The following VIM variants were observed in gnomAD, a reference collection of about 807,000 sequenced individuals.
The protein encoded by VIM is epididymis secretory sperm binding protein.
VIM carries 18 observed loss-of-function variants against 50.3 expected under a neutral mutation model. The ratio of observed to expected loss-of-function variants is 0.36; its 90% CI spans 0.25 to 0.53. The LOEUF (loss-of-function observed/expected upper bound fraction) is 0.53. Among genes scored for constraint, VIM ranks in the 20% least tolerant of loss-of-function variants. VIM has a pLI of 0.91. For missense variants in VIM, 551 were observed against 614.7 expected, an observed-to-expected ratio of 0.90 and a Z score of 1.10; for synonymous variants, 245 against 248.5, an observed-to-expected ratio of 0.99 and a Z score of 0.13.
At chr10:17,237,110 CT>C (rs1419656179) in intron 9 of VIM, 119 bp from the exon 10 acceptor site, 1 of 956,958 alleles carries the variant, frequency 1.0e-6, no homozygotes, top group Admixed American at 2.3e-5. Context: ...GCAACATAAC[CT>C]TCTGATTTGC....
chr10:17,237,149 T>C, intron 9 of VIM, 81 bp from the exon 10 acceptor site: 3 of 1,273,180 alleles, frequency 2.4e-6, no homozygotes, highest in Non-Finnish European at 3.3e-6. Context: ...TTTAGCAGGA[T>C]TTTTATTTGC....
rs1846812270 is a variant in VIM at position 17,232,302 on chromosome 10, G to A, written c.625-1285G>A. 2.6e-5 allele frequency among the ~76,000 whole-genome samples: 4 copies of A among 152,178 alleles called. No homozygotes were observed. The South Asian group carries it at 6.2e-4, about 24-fold the overall frequency. On this transcript the variant is annotated intron_variant, in intron 3 of 9. Transcript: ENST00000544301. ...AAGTCTCAACAGTTTAAGACCGTAA[G>A]GCTATGAACTCCAAATATAATTGCT...
At chr10:17,236,658 C>T (rs543535899) in intron 9 of VIM, among the ~76,000 whole-genome samples, 39 of 152,174 alleles carry the variant, frequency 2.6e-4, no homozygotes, top group Admixed American at 5.2e-4. Context: ...TTCCTTAAAC[C>T]ACTTCCTAAA....
At chr10:17,230,093 G>C (rs947610475) in intron 2 of VIM, 108 bp downstream of exon 2, 79 of 1,332,758 alleles carry the variant, frequency 5.9e-5, no homozygotes, top group East Asian at 3.5e-4. Context: ...GGATGTGGCC[G>C]GGGGGAGGCC....
chr10:17,235,757 C>T (rs1002887303), intron 7 of VIM, 89 bp from the exon 8 acceptor site: 99 of 1,271,166 alleles, frequency 7.8e-5, no homozygotes, highest in African/African-American at 2.5e-4. Context: ...CGTTTTCTTA[C>T]GTGACGAAAA....
At chr10:17,230,065 G>T in intron 2 of VIM, 80 bp downstream of exon 2, 2 of 1,482,458 alleles carry the variant, frequency 1.3e-6, no homozygotes, top group Non-Finnish European at 9.0e-7. Context: ...GCCCCCGCGA[G>T]AGCTGCCACG....
Position 17,235,158 on chromosome 10 carries a change from AC to A in VIM, c.1009-6del, listed in dbSNP as rs1348122930. On this transcript the variant is annotated splice_polypyrimidine_tract_variant and intron_variant, in intron 6 of 9. Coordinates refer to ENST00000544301, the MANE Select transcript of VIM (RefSeq NM_003380.5). The stretch of plus-strand genomic sequence containing the variant: ...AGAAATAACACCAGACATCTTTCTC[AC>A]CCCCTGCAGAATGAGTCCCTGGAAC... The A allele has an allele frequency of 2.5e-6, 4 of 1,613,832 alleles. No individual in the cohort carries two copies. The highest frequency in any genetic ancestry group is 1.7e-5 in the Admixed American group (1 of 59,990).
At position 17,233,826 on chromosome 10, in the gene VIM, T is replaced by G. The variant is rs764331554; in HGVS notation, c.777T>G (p.Asp259Glu). ...AACAGCATGTCCAAATCGATGTGGA[T>G]GTTTCCAAGCCTGACCTCACGGCTG... ...IQEQHVQIDV[D>E]VSKPDLTAAL... Residue 259 changes from aspartate to glutamate, a missense_variant, in exon 5 of 10, where the codon GAT (aspartate) becomes GAG (glutamate). Transcript: ENST00000544301. 6.2e-7 allele frequency: 1 copy of G among 1,614,082 alleles called. No homozygotes were observed. Among genetic ancestry groups the G allele is most frequent in the African/African-American group, 1.3e-5 (1 of 74,930 alleles).
chr10:17,234,072 A>G, intron 5 of VIM, 141 bp downstream of exon 5: 1 of 988,900 alleles, frequency 1.0e-6, no homozygotes. Flanking sequence ...GTTTGCCACC[A>G]CAGCCTCCCC....
chr10:17,229,543 G>T lies in VIM; in HGVS notation c.121G>T (p.Gly41Cys). 6.2e-7 allele frequency: 1 copy of T among 1,608,200 alleles called. No individual in the cohort carries two copies. Residue 41 changes from glycine (G) to cysteine (C), a missense_variant, in exon 2 of 10, where the codon GGC (glycine) becomes TGC (cysteine). By Grantham distance (159) the Gly-to-Cys change is radical. Around this residue, in one of 3 missense-constraint regions of VIM, gnomAD observed 134 missense variants for 126.4 expected, o/e 1.06. Transcript: ENST00000544301. ...VTTSTRTYSL[G>C]SALRPSTSRS... The stretch of plus-strand genomic sequence containing the variant: ...TACGTCCACCCGCACCTACAGCCTG[G>T]GCAGCGCGCTGCGCCCCAGCACCAG...
In VIM at chr10:17,234,722, G is replaced by A. The variant is rs965528949; in HGVS notation, c.912G>A (p.Arg304=). 1 of 1,614,042 alleles carries A rather than the reference G, an allele frequency of 6.2e-7. No individual in the cohort carries two copies. The highest frequency in any genetic ancestry group is 1.1e-5 in the South Asian group (1 of 91,074). The part of the protein sequence containing the change: ...KFADLSEAAN[R]NNDALRQAKQ... ...CTGACCTCTCTGAGGCTGCCAACCG[G>A]AACAATGACGCCCTGCGCCAGGCAA... Residue 304 remains arginine (R), a synonymous_variant, in exon 6 of 10, where the codon CGG becomes CGA. Transcript: ENST00000544301.
intron 7 of VIM, chr10:17,235,633 G>C: frequency 2.9e-6 from 2 of 695,680 alleles, no homozygotes; most frequent in Non-Finnish European, 4.9e-6. Flanking sequence ...CCTAACTCCT[G>C]TTCATGCTCC....
chr10:17,233,318 G>T (rs912949109), intron 3 of VIM: 29 of 442,938 alleles, frequency 6.5e-5, no homozygotes, highest in African/African-American at 5.8e-4. Context: ...TTTACCATGT[G>T]TGTGGACATT....
At chr10:17,230,018 C>A in intron 2 of VIM, 33 bp downstream of exon 2, 1 of 1,582,028 alleles carries the variant, frequency 6.3e-7, no homozygotes, top group Middle Eastern at 1.7e-4. Context: ...AGCTGGGCCT[C>A]GGGAGGGGGC....
intron 8 of VIM, 138 bp from the exon 9 acceptor site, chr10:17,236,156 C>A: frequency 1.2e-6 from 1 of 824,528 alleles, no homozygotes; most frequent in Non-Finnish European, 2.1e-6. Context: ...ACAGAGACTA[C>A]CCTAAAATTA....
Position 17,229,899 on chromosome 10 carries a change from G to A in VIM, c.477G>A (p.Arg159=), listed in dbSNP as rs1390810752. 2 of 1,612,302 alleles carry A rather than the reference G, an allele frequency of 1.2e-6. No homozygotes were observed. The highest frequency in any genetic ancestry group is 1.7e-6 in the Non-Finnish European group (2 of 1,179,542). The change falls in exon 2 of 10, where the codon CGG becomes CGA. Residue 159 remains arginine, a synonymous_variant. Coordinates refer to ENST00000544301, the MANE Select transcript of VIM (RefSeq NM_003380.5). ...LYEEEMRELR[R]QVDQLTNDKA... Reference sequence around the variant, plus strand: ...AGGAGGAGATGCGGGAGCTGCGCCGGCAGGTGGACCAGCTAACCAACGACA... The same window carrying A: ...AGGAGGAGATGCGGGAGCTGCGCCGACAGGTGGACCAGCTAACCAACGACA...
chr10:17,233,544 C>G (rs754657973), intron 3 of VIM, 43 bp from the exon 4 acceptor site: 1 of 1,588,922 alleles, frequency 6.3e-7, no homozygotes, highest in Non-Finnish European at 8.6e-7. Context: ...AAGCCATACA[C>G]TTTTACATCC....
rs370279416 is a variant in VIM, at chr10:17,233,951, G to A, written c.882+20G>A. On this transcript the variant is annotated intron_variant, in intron 5 of 9. Coordinates refer to ENST00000544301, the MANE Select transcript of VIM (RefSeq NM_003380.5). ...TCCAAGGTAGGAAACAAATCAGTGC[G>A]GCTTCAACCAAAGAAAAGCATTGTG... 1.6e-4 allele frequency: 264 copies of A among 1,604,494 alleles called. 1 individual carries two copies. The highest frequency in any genetic ancestry group is 2.1e-4 in the Non-Finnish European group (245 of 1,175,312).
At chr10:17,230,122 G>A (rs1846759526) in intron 2 of VIM, 137 bp downstream of exon 2, 2 of 1,151,644 alleles carry the variant, frequency 1.7e-6, no homozygotes, top group African/African-American at 1.6e-5. Flanking sequence ...AGACAGCGGA[G>A]AGCGGGGCTG....
Sources: gnomAD v4.1 joint callset for allele counts (sites outside exome capture counted in the v4.1 genomes callset) on GRCh38, gnomAD v4.1.1 for gene constraint, gnomAD v4.1.1 regional missense constraint, MANE v1.5 for transcripts, NCBI Gene and HGNC (gene_info 2026-07-23, HGNC 2026-07-21) for gene names.